Variants in EXOC6B observed in about 807,000 individuals in gnomAD.
EXOC6B encodes the protein SEC15 homolog B.
EXOC6B carries 54 observed loss-of-function variants against 113.5 expected under a neutral mutation model. The observed-to-expected ratio is 0.48, with a 90% CI of 0.38 to 0.60. The LOEUF (loss-of-function observed/expected upper bound fraction) is 0.60. Among genes scored for constraint, EXOC6B ranks in the 20% least tolerant of loss-of-function variants. The probability of loss-of-function intolerance (pLI) is 0.00; values close to 1 mark genes in which losing one functional copy is unlikely to be tolerated. For synonymous variants in EXOC6B, 357 were observed against 339.0 expected (o/e 1.05, Z -0.58); for missense variants, 797 against 977.5 (o/e 0.82, Z 2.46).
At chr2:72,269,960 C>T (rs1684382227) in intron 20 of EXOC6B, among the ~76,000 whole-genome samples, 1 of 151,932 alleles carries the variant, frequency 6.6e-6, no homozygotes. Flanking sequence ...GGCACATTCC[C>T]ATAATAATAA....
At chr2:72,240,595 T>C (rs1433771211) in intron 20 of EXOC6B, among the ~76,000 whole-genome samples, 1 of 152,154 alleles carries the variant, frequency 6.6e-6, no homozygotes, top group Non-Finnish European at 1.5e-5. Context: ...AGGTTGTCCA[T>C]GGGGGTTCAT....
intron 16 of EXOC6B, among the ~76,000 whole-genome samples, chr2:72,486,520 AAC>A (rs1315418729): frequency 1.3e-5 from 2 of 152,126 alleles, no homozygotes; most frequent in African/African-American, 4.8e-5. Context: ...AGAGGACTTC[AAC>A]ACACCTTCTT....
At chr2:72,530,405 G>A (rs892605304) in intron 8 of EXOC6B, among the ~76,000 whole-genome samples, 9 of 152,102 alleles carry the variant, frequency 5.9e-5, no homozygotes, top group Admixed American at 5.9e-4. Flanking sequence ...CAGTTTTGGA[G>A]ATTTTCTTGT....
intron 19 of EXOC6B, among the ~76,000 whole-genome samples, chr2:72,340,090 C>T (rs1035027954): frequency 4.6e-5 from 7 of 152,026 alleles, no homozygotes; most frequent in Admixed American, 1.3e-4. Context: ...CAAATTCTGT[C>T]ACTTAGTCGA....
chr2:72,669,768 G>A (rs1237007303), intron 6 of EXOC6B, among the ~76,000 whole-genome samples: 1 of 152,188 alleles, frequency 6.6e-6, no homozygotes, highest in Non-Finnish European at 1.5e-5. Flanking sequence ...AGGCACTATT[G>A]GCAGCAGGTA....
chr2:72,661,628 C>A (rs1180254161), intron 6 of EXOC6B, among the ~76,000 whole-genome samples: 1 of 151,996 alleles, frequency 6.6e-6, no homozygotes, highest in Non-Finnish European at 1.5e-5. Context: ...GTGTACTACA[C>A]AAATTCAGCT....
chr2:72,217,401 A>G (rs544000552), intron 20 of EXOC6B, among the ~76,000 whole-genome samples: 2 of 152,290 alleles, frequency 1.3e-5, no homozygotes, highest in South Asian at 4.1e-4. Flanking sequence ...GTGGCACAGA[A>G]TCAGGGTATT....
chr2:72,772,249 G>A (rs1005554266), intron 1 of EXOC6B, among the ~76,000 whole-genome samples: 3 of 151,544 alleles, frequency 2.0e-5, no homozygotes, highest in South Asian at 2.1e-4. Context: ...CAGGCCAGCC[G>A]CCATGTACCT....
chr2:72,459,664 C>G (rs1697494914), intron 18 of EXOC6B, among the ~76,000 whole-genome samples: 4 of 152,102 alleles, frequency 2.6e-5, no homozygotes, highest in African/African-American at 4.8e-5. Context: ...TGAAGGACCT[C>G]TTCAAGGAGA....
intron 6 of EXOC6B, among the ~76,000 whole-genome samples, chr2:72,677,132 C>T (rs1231055141): frequency 3.3e-5 from 5 of 152,246 alleles, no homozygotes; most frequent in Middle Eastern, 3.4e-3. Flanking sequence ...TAAGATTCAG[C>T]CATACAGCCC....
intron 20 of EXOC6B, among the ~76,000 whole-genome samples, chr2:72,187,978 G>A (rs1678554196): frequency 6.6e-6 from 1 of 152,220 alleles, no homozygotes; most frequent in African/African-American, 2.4e-5. Context: ...AGGGCAGGGA[G>A]GGCCTTCCCA....
intron 6 of EXOC6B, among the ~76,000 whole-genome samples, chr2:72,687,424 C>G (rs1348624559): frequency 6.6e-6 from 1 of 152,022 alleles, no homozygotes; most frequent in Non-Finnish European, 1.5e-5. Context: ...AACACATGCA[C>G]TAAGCTCACC....
In EXOC6B at chr2:72,825,924, C is replaced by A; in HGVS notation, c.-14G>T. 1 of 1,610,978 alleles carries A rather than the reference C, an allele frequency of 6.2e-7. No homozygotes were observed. Among genetic ancestry groups the A allele is most frequent in the Non-Finnish European group, 8.5e-7 (1 of 1,179,244 alleles). Reference sequence around the variant, plus strand: ...ACCCCGCTCCATAGACTGGGGGCGCCCCGCAGCGCGTCCCCTCCGTCGGCT... The same window carrying A: ...ACCCCGCTCCATAGACTGGGGGCGCACCGCAGCGCGTCCCCTCCGTCGGCT... On this transcript the variant is annotated 5_prime_UTR_variant, in exon 1 of 22. Transcript: ENST00000272427. The surrounding 1 kb of genome is among the most constrained non-coding windows in gnomAD (Gnocchi z 4.4).
chr2:72,563,471 T>C (rs1347857812), intron 7 of EXOC6B, among the ~76,000 whole-genome samples: 1 of 152,178 alleles, frequency 6.6e-6, no homozygotes, highest in African/African-American at 2.4e-5. Context: ...ATAGCATTTA[T>C]ATTCTATAAA....
chr2:72,717,388 C>G (rs1679685801), intron 6 of EXOC6B, among the ~76,000 whole-genome samples: 1 of 152,098 alleles, frequency 6.6e-6, no homozygotes, highest in African/African-American at 2.4e-5. Flanking sequence ...ACAACTGACT[C>G]TTGTATTTGT....
At chr2:72,404,865 C>G (rs908031815) in intron 18 of EXOC6B, among the ~76,000 whole-genome samples, 2 of 152,140 alleles carry the variant, frequency 1.3e-5, no homozygotes, top group African/African-American at 4.8e-5. Context: ...GGAGAACGAC[C>G]TTGACGAGTT....
chr2:72,765,232 G>T (rs1682989190), intron 1 of EXOC6B, among the ~76,000 whole-genome samples: 1 of 152,054 alleles, frequency 6.6e-6, no homozygotes, highest in African/African-American at 2.4e-5. Context: ...AGAGTTCAAG[G>T]CTGTAGTGAG....
intron 5 of EXOC6B, among the ~76,000 whole-genome samples, chr2:72,725,805 A>C (rs902222415): frequency 6.6e-6 from 1 of 152,220 alleles, no homozygotes; most frequent in Non-Finnish European, 1.5e-5. Context: ...ACAGTTCCTC[A>C]AAATGGTAAA....
rs2104916774 is a variant in EXOC6B at position 72,344,156 on chromosome 2, A to G, written c.2123-9136T>C. ...TTCTATTCCTTACTCAGTAATCTCCATTGTCTTCTCTTCCCATTCATTGAT... is the reference window on the plus strand; with the variant it reads ...TTCTATTCCTTACTCAGTAATCTCCGTTGTCTTCTCTTCCCATTCATTGAT... On this transcript the variant is annotated intron_variant, in intron 19 of 21. Transcript: ENST00000272427. 1.3e-5 allele frequency among the ~76,000 whole-genome samples: 2 copies of G among 151,932 alleles called. 1 individual carries two copies. Among genetic ancestry groups the G allele is most frequent in the South Asian group, 4.1e-4 (2 of 4,826 alleles).
Sources: gnomAD v4.1 joint callset for allele counts (sites outside exome capture counted in the v4.1 genomes callset) on GRCh38, gnomAD v4.1.1 for gene constraint, Gnocchi (gnomAD v3.1) non-coding constraint, MANE v1.5 for transcripts, NCBI Gene and HGNC (gene_info 2026-07-23, HGNC 2026-07-21) for gene names.